The following ITFG1 variants were observed in gnomAD, a reference collection of about 807,000 sequenced individuals.
ITFG1 encodes T-cell immunomodulatory protein.
Under a neutral mutation model 81.8 loss-of-function variants are expected in ITFG1, and 34 were observed. That is an observed-to-expected ratio of 0.42 (90% CI 0.32 to 0.55). The LOEUF is 0.55. Among genes scored for constraint, ITFG1 ranks in the 20% least tolerant of loss-of-function variants. The pLI is 0.17. For synonymous variants in ITFG1, 285 were observed against 270.6 expected (o/e 1.05, Z -0.52); for missense variants, 672 against 755.4 (o/e 0.89, Z 1.29).
At chr16:47,197,106 T>C (rs1036448506) in intron 14 of ITFG1, among the ~76,000 whole-genome samples, 7 of 152,228 alleles carry the variant, frequency 4.6e-5, no homozygotes, top group Non-Finnish European at 1.0e-4. Flanking sequence ...GATATATTTC[T>C]TTAACATATT....
chr16:47,426,343 T>A (rs904031269), intron 6 of ITFG1: 6 of 151,784 alleles, frequency 4.0e-5, no homozygotes, highest in Non-Finnish European at 7.4e-5. Flanking sequence ...TTAAGATAGA[T>A]TTTTCCTAAA....
upstream of ITFG1, chr16:47,461,178 C>A (rs1969539848): frequency 9.9e-7 from 1 of 1,013,246 alleles, no homozygotes; most frequent in Non-Finnish European, 1.4e-6. Flanking sequence ...CTTTTTCTCT[C>A]TCCCACTAGG....
chr16:47,158,999 A>T lies in ITFG1; in HGVS notation c.1662-9T>A, dbSNP rs930089709. 4 of 1,367,826 alleles carry T rather than the reference A, an allele frequency of 2.9e-6. No individual in the cohort carries two copies. The highest frequency in any genetic ancestry group is 3.0e-6 in the Non-Finnish European group (3 of 995,880). 84.7% of individuals were successfully genotyped at this position (1,367,826 alleles called of 1,614,324 possible). On this transcript the variant is annotated splice_polypyrimidine_tract_variant and intron_variant, in intron 16 of 17. Transcript: ENST00000320640. ...ACAGTTTGGCACTCCAACTGTAGATAAAAACAGAACAAATTAAAATTACAA... is the reference window on the plus strand; with the variant it reads ...ACAGTTTGGCACTCCAACTGTAGATTAAAACAGAACAAATTAAAATTACAA...
chr16:47,332,295 T>C (rs1436719493), intron 8 of ITFG1, among the ~76,000 whole-genome samples: 3 of 152,170 alleles, frequency 2.0e-5, no homozygotes, highest in South Asian at 2.1e-4. Flanking sequence ...AGAATATTCA[T>C]TTTCAAGATT....
At chr16:47,348,907 A>C (rs1256296641) in intron 8 of ITFG1, among the ~76,000 whole-genome samples, 1 of 152,242 alleles carries the variant, frequency 6.6e-6, no homozygotes, top group Non-Finnish European at 1.5e-5. Flanking sequence ...GCCAATATTC[A>C]ACATTCTTAA....
intron 5 of ITFG1, among the ~76,000 whole-genome samples, chr16:47,443,165 C>T (rs1350167628): frequency 2.0e-5 from 3 of 152,174 alleles, no homozygotes; most frequent in South Asian, 2.1e-4. Flanking sequence ...CATCACTGGC[C>T]ATCAGAGAAA....
intron 5 of ITFG1, among the ~76,000 whole-genome samples, chr16:47,435,705 A>G (rs1244438990): frequency 1.3e-5 from 2 of 152,174 alleles, no homozygotes; most frequent in African/African-American, 4.8e-5. Context: ...TCTGGCATGA[A>G]GAAGAATCTA....
At chr16:47,459,300 G>A in intron 1 of ITFG1, 125 bp from the exon 2 acceptor site, 2 of 646,158 alleles carry the variant, frequency 3.1e-6, no homozygotes, top group East Asian at 5.4e-5. Flanking sequence ...CAGTTCATCT[G>A]CCCTCTCAAG....
intron 6 of ITFG1, among the ~76,000 whole-genome samples, chr16:47,424,182 C>T (rs965156345): frequency 2.0e-5 from 3 of 152,168 alleles, no homozygotes; most frequent in East Asian, 3.8e-4. Context: ...TTAATTTGAT[C>T]TTCAATCACT....
In ITFG1 at chr16:47,173,856, C is replaced by G. The variant is rs1964990344; in HGVS notation, c.1454-11192G>C. 2.0e-5 allele frequency among the ~76,000 whole-genome samples: 3 copies of G among 152,268 alleles called. No homozygotes were observed. The South Asian group carries it at 6.2e-4, about 32-fold the overall frequency. On this transcript the variant is annotated intron_variant, in intron 14 of 17. Transcript: ENST00000320640. ...AGGAGTTCGAGACCAGCCTGACCAACATGGTGGAACGCCACCTCTACTAAA... is the reference window on the plus strand; with the variant it reads ...AGGAGTTCGAGACCAGCCTGACCAAGATGGTGGAACGCCACCTCTACTAAA...
intron 8 of ITFG1, among the ~76,000 whole-genome samples, chr16:47,325,702 G>A (rs868194747): frequency 3.9e-5 from 6 of 152,050 alleles, no homozygotes; most frequent in African/African-American, 7.2e-5. Context: ...ACACCTCTAC[G>A]CAAATAAACT....
intron 10 of ITFG1, among the ~76,000 whole-genome samples, chr16:47,288,724 C>A (rs1405185570): frequency 6.6e-6 from 1 of 152,006 alleles, no homozygotes; most frequent in East Asian, 1.9e-4. Context: ...CATGGTGAAA[C>A]CCCGTCTCCA....
At chr16:47,329,719 T>C (rs1967611816) in intron 8 of ITFG1, among the ~76,000 whole-genome samples, 1 of 152,106 alleles carries the variant, frequency 6.6e-6, no homozygotes, top group African/African-American at 2.4e-5. Flanking sequence ...TATCCTATAT[T>C]ATGACCTCCA....
At chr16:47,302,777 C>T (rs1462277458) in intron 10 of ITFG1, among the ~76,000 whole-genome samples, 1 of 152,164 alleles carries the variant, frequency 6.6e-6, no homozygotes, top group African/African-American at 2.4e-5. Context: ...TGACACTAAG[C>T]CAGGCCTTTA....
intron 6 of ITFG1, among the ~76,000 whole-genome samples, chr16:47,399,562 G>A (rs1303948971): frequency 6.7e-6 from 1 of 149,330 alleles, no homozygotes; most frequent in Non-Finnish European, 1.5e-5. Flanking sequence ...AAGAGAGCGA[G>A]ACTCCGTCTC....
intron 6 of ITFG1, among the ~76,000 whole-genome samples, chr16:47,400,998 C>T (rs1016673060): frequency 6.6e-6 from 1 of 152,122 alleles, no homozygotes; most frequent in African/African-American, 2.4e-5. Context: ...GGAGATTTAA[C>T]AGGAAGGGAA....
At chr16:47,439,394 A>G (rs1047430493) in intron 5 of ITFG1, among the ~76,000 whole-genome samples, 3 of 152,230 alleles carry the variant, frequency 2.0e-5, no homozygotes, top group African/African-American at 4.8e-5. Flanking sequence ...CAGATTCACC[A>G]AAGTTGAAAT....
At chr16:47,302,998 G>A (rs1330651018) in intron 10 of ITFG1, among the ~76,000 whole-genome samples, 1 of 152,166 alleles carries the variant, frequency 6.6e-6, no homozygotes, top group African/African-American at 2.4e-5. Flanking sequence ...TAGGCTGGGG[G>A]CGGTAGCTCA....
intron 10 of ITFG1, among the ~76,000 whole-genome samples, chr16:47,268,256 T>TA (rs1966300009): frequency 6.6e-6 from 1 of 152,130 alleles, no homozygotes; most frequent in African/African-American, 2.4e-5. Flanking sequence ...GGGAATGTTA[T>TA]AAAAAACTTT....
Sources: allele counts gnomAD v4.1 joint callset (sites outside exome capture counted in the v4.1 genomes callset), GRCh38; gene constraint gnomAD v4.1.1; transcripts MANE v1.5; gene names NCBI Gene and HGNC (gene_info 2026-07-23, HGNC 2026-07-21).